Variants in ARB2A observed in about 807,000 individuals in gnomAD.
ARB2A encodes ARB2 cotranscriptional regulator A, also known as cotranscriptional regulator ARB2A.
chr5:93,866,757 GA>G, the ARB2A span, among the ~76,000 whole-genome samples: 1 of 152,138 alleles, frequency 6.6e-6, no homozygotes, highest in Non-Finnish European at 1.5e-5. Context: ...TAAAGCAAGG[GA>G]TGACTGTGTG....
chr5:93,647,942 A>G, the ARB2A span, among the ~76,000 whole-genome samples: 1 of 152,070 alleles, frequency 6.6e-6, no homozygotes, highest in Non-Finnish European at 1.5e-5. Flanking sequence ...CAGGACTTGG[A>G]GACCAGCCTG....
the ARB2A span, among the ~76,000 whole-genome samples, chr5:93,977,758 T>G: frequency 6.6e-6 from 1 of 152,024 alleles, no homozygotes. Flanking sequence ...AAACAAAAAT[T>G]GACAACTGGG....
chr5:94,106,847 A>G, the ARB2A span, among the ~76,000 whole-genome samples: 1 of 138,982 alleles, frequency 7.2e-6, no homozygotes, highest in African/African-American at 2.7e-5. Context: ...GGAGCTTCAC[A>G]TTATCCTATG....
chr5:93,970,239 C>G, the ARB2A span, among the ~76,000 whole-genome samples: 4 of 152,092 alleles, frequency 2.6e-5, no homozygotes, highest in Non-Finnish European at 4.4e-5. Context: ...CATCACCAGT[C>G]ATACCCATCC....
chr5:94,093,538 T>G, the ARB2A span, among the ~76,000 whole-genome samples: 1 of 152,188 alleles, frequency 6.6e-6, no homozygotes, highest in Non-Finnish European at 1.5e-5. Context: ...TCATTTAACC[T>G]TAATGACTTC....
the ARB2A span, among the ~76,000 whole-genome samples, chr5:93,912,278 C>T: frequency 6.6e-6 from 1 of 151,634 alleles, no homozygotes; most frequent in Admixed American, 6.6e-5. Flanking sequence ...TGCTTGCTCC[C>T]AAAATGTTCA....
chr5:93,740,617 G>A, the ARB2A span: 1 of 1,604,268 alleles, frequency 6.2e-7, no homozygotes, highest in South Asian at 1.1e-5. Context: ...TGGGGCAGAG[G>A]AGTGGGCTAC....
the ARB2A span, among the ~76,000 whole-genome samples, chr5:94,002,550 ACTTTG>A: frequency 6.6e-6 from 1 of 151,910 alleles, no homozygotes; most frequent in African/African-American, 2.4e-5. Flanking sequence ...GCACCCTCCA[ACTTTG>A]GGGTTAGCAA....
chr5:93,823,070 T>C, the ARB2A span, among the ~76,000 whole-genome samples: 1 of 152,308 alleles, frequency 6.6e-6, no homozygotes, highest in East Asian at 1.9e-4. Context: ...ATCAATATTG[T>C]GTCTCTGGTT....
the ARB2A span, among the ~76,000 whole-genome samples, chr5:94,096,652 T>C: frequency 6.6e-6 from 1 of 151,924 alleles, no homozygotes; most frequent in Non-Finnish European, 1.5e-5. Flanking sequence ...TAGACGATGA[T>C]TAAATAAATA....
chr5:93,807,117 T>C, the ARB2A span, among the ~76,000 whole-genome samples: 14 of 152,114 alleles, frequency 9.2e-5, no homozygotes, highest in East Asian at 2.7e-3. Flanking sequence ...GAATCCTACA[T>C]TTGTCTTACC....
the ARB2A span, among the ~76,000 whole-genome samples, chr5:94,012,364 T>C: frequency 1.3e-5 from 2 of 152,234 alleles, no homozygotes; most frequent in Non-Finnish European, 2.9e-5. Context: ...ATCGCGCCAC[T>C]GCACTCCAGC....
At chr5:94,109,537 T>C in the ARB2A span, among the ~76,000 whole-genome samples, 1 of 152,148 alleles carries the variant, frequency 6.6e-6, no homozygotes, top group Non-Finnish European at 1.5e-5. Context: ...GACACCAGAT[T>C]CTCCTCAGAG....
the ARB2A span, among the ~76,000 whole-genome samples, chr5:93,719,606 C>T: frequency 6.6e-6 from 1 of 152,194 alleles, no homozygotes; most frequent in African/African-American, 2.4e-5. Flanking sequence ...CACTTTTTCA[C>T]CACATCTCAA....
chr5:93,851,310 C>T, the ARB2A span, among the ~76,000 whole-genome samples: 43 of 152,188 alleles, frequency 2.8e-4, no homozygotes, highest in Non-Finnish European at 4.6e-4. Flanking sequence ...ATGTATTTTA[C>T]AGAGGAAAAA....
the ARB2A span, among the ~76,000 whole-genome samples, chr5:93,945,558 TATG>T: frequency 6.6e-6 from 1 of 151,890 alleles, no homozygotes; most frequent in East Asian, 1.9e-4. Flanking sequence ...CATTTCAAAA[TATG>T]ATTGAAAAAC....
At chr5:93,919,108 T>G in the ARB2A span, among the ~76,000 whole-genome samples, 2 of 152,140 alleles carry the variant, frequency 1.3e-5, no homozygotes, top group East Asian at 3.9e-4. Context: ...TCAGCAAAGT[T>G]AGGGAGAAAA....
At chr5:93,914,471 T>A in the ARB2A span, among the ~76,000 whole-genome samples, 1 of 152,092 alleles carries the variant, frequency 6.6e-6, no homozygotes, top group Middle Eastern at 3.4e-3. Flanking sequence ...AAATTGTTTT[T>A]GTGAGTGCTT....
the ARB2A span, among the ~76,000 whole-genome samples, chr5:93,865,075 A>G: frequency 6.6e-6 from 1 of 152,264 alleles, no homozygotes; most frequent in South Asian, 2.1e-4. Context: ...ATCTTGATGT[A>G]TCATCCTGGC....
Sources: allele counts gnomAD v4.1 joint callset (sites outside exome capture counted in the v4.1 genomes callset), GRCh38; gene constraint gnomAD v4.1.1; transcripts MANE v1.5; gene names NCBI Gene and HGNC (gene_info 2026-07-23, HGNC 2026-07-21).